BICD1: variants seen among roughly 807,000 people sequenced by gnomAD.
BICD1 encodes the protein protein bicaudal D homolog 1.
A neutral mutation model predicts 92.5 loss-of-function variants in BICD1; 35 were observed. The ratio of observed to expected loss-of-function variants is 0.38; its 90% CI spans 0.29 to 0.50. The LOEUF (loss-of-function observed/expected upper bound fraction) is 0.50. Among genes scored for constraint, BICD1 ranks in the 20% least tolerant of loss-of-function variants. The pLI is 0.93. For synonymous variants in BICD1, 429 were observed against 465.1 expected, an observed-to-expected ratio of 0.92 and a Z score of 1.00; for missense variants, 950 against 1,189.8, an observed-to-expected ratio of 0.80 and a Z score of 2.97.
intron 2 of BICD1, among the ~76,000 whole-genome samples, chr12:32,259,486 G>T (rs893863153): frequency 5.3e-5 from 8 of 152,210 alleles, no homozygotes; most frequent in African/African-American, 1.9e-4. Context: ...TTAAGGCAAG[G>T]TTTAACTCTT....
chr12:32,180,356 A>G (rs1463207876), intron 1 of BICD1, among the ~76,000 whole-genome samples: 2 of 151,790 alleles, frequency 1.3e-5, no homozygotes, highest in Non-Finnish European at 2.9e-5. Context: ...GCTGCACTTA[A>G]ACTTCCATCA....
At chr12:32,128,900 G>A (rs1185979169) in intron 1 of BICD1, among the ~76,000 whole-genome samples, 1 of 151,966 alleles carries the variant, frequency 6.6e-6, no homozygotes, top group Non-Finnish European at 1.5e-5. Flanking sequence ...AGCCATACAA[G>A]TAGCCGGGAC....
intron 1 of BICD1, among the ~76,000 whole-genome samples, chr12:32,165,403 C>G (rs933685784): frequency 2.0e-5 from 3 of 152,084 alleles, no homozygotes; most frequent in African/African-American, 7.2e-5. Flanking sequence ...GTAGTCCCAG[C>G]TACTCGGGAT....
chr12:32,360,889 C>T (rs1939299543), intron 8 of BICD1, among the ~76,000 whole-genome samples: 1 of 152,122 alleles, frequency 6.6e-6, no homozygotes, highest in South Asian at 2.1e-4. Context: ...CCAAAATATT[C>T]ATCAGATAGG....
intron 4 of BICD1, among the ~76,000 whole-genome samples, chr12:32,318,415 A>T (rs1948562236): frequency 6.6e-6 from 1 of 152,068 alleles, no homozygotes; most frequent in African/African-American, 2.4e-5. Context: ...TTCTCCTTGA[A>T]GAGGTCCTTC....
In BICD1 at chr12:32,305,845, A is replaced by C; in HGVS notation, c.728A>C (p.Glu243Ala). The change falls in exon 4 of 10, where the codon GAG becomes GCG. Residue 243 changes from glutamate (E) to alanine (A), a missense_variant. Around this residue, in one of 5 missense-constraint regions of BICD1, gnomAD observed 246 missense variants for 258.4 expected, o/e 0.95. Transcript: ENST00000652176. ...CTCGAGACTTTAAAAAATGAAAGAG[A>C]GCAAAAGAACAACCTGCGGAAGGAG... ...EALETLKNER[E>A]QKNNLRKELS... The C allele has an allele frequency of 6.2e-7, 1 of 1,614,202 alleles. No homozygotes were observed. Among genetic ancestry groups the C allele is most frequent in the Non-Finnish European group, 8.5e-7 (1 of 1,180,044 alleles).
intron 8 of BICD1, among the ~76,000 whole-genome samples, chr12:32,362,796 G>A (rs377616502): frequency 6.6e-6 from 1 of 151,808 alleles, no homozygotes; most frequent in African/African-American, 2.4e-5. Context: ...ATCAGTGGAG[G>A]CTTGTAGGAC....
chr12:32,168,007 C>CGTGTGTGTGTGTGT (rs10568100), intron 1 of BICD1, among the ~76,000 whole-genome samples: 151 of 149,900 alleles, frequency 1.0e-3, no homozygotes, highest in South Asian at 7.4e-3. Flanking sequence ...AAGGAGATGG[C>CGTGTGTGTGTGTGT]GTGTGTGTGT....
intron 2 of BICD1, among the ~76,000 whole-genome samples, chr12:32,238,647 A>G (rs1394940799): frequency 6.6e-6 from 1 of 152,202 alleles, no homozygotes; most frequent in East Asian, 1.9e-4. Context: ...TAATTTTCTT[A>G]TTTTAAGAAA....
chr12:32,107,044 G>T lies in BICD1; in HGVS notation c.-288G>T, dbSNP rs769386177. 2 of 398,428 alleles carry T rather than the reference G, an allele frequency of 5.0e-6. No homozygotes were observed. The highest frequency in any genetic ancestry group is 9.2e-6 in the Non-Finnish European group (2 of 218,094). 24.7% of individuals were successfully genotyped at this position (398,428 alleles called of 1,614,324 possible). A position where few individuals can be genotyped will look rare whatever the true frequency, so the allele number is the denominator to read the frequency against. ...GCCGCAGCCCGGGCCATGCCGCACG[G>T]CTGCTGACCGCACGCAGGGGCCGGC... On this transcript the variant is annotated 5_prime_UTR_variant, in exon 1 of 10. Coordinates refer to ENST00000652176, the MANE Select transcript of BICD1 (RefSeq NM_001714.4).
At position 32,148,645 on chromosome 12, in the gene BICD1, T is replaced by C. The variant is rs114996861; in HGVS notation, c.213+41101T>C. On this transcript the variant is annotated intron_variant, in intron 1 of 9. Coordinates refer to ENST00000652176, the MANE Select transcript of BICD1 (RefSeq NM_001714.4). ...TTGGCAGACAGGCAGGTAGGAACTT[T>C]CCTGGTGAACCCTCCCTGTATGACC... Among the ~76,000 whole-genome samples, 685 of 152,300 alleles carry C rather than the reference T, an allele frequency of 4.5e-3. 4 individuals carry two copies. Among genetic ancestry groups the C allele is most frequent in the African/African-American group, 0.016 (649 of 41,562 alleles).
intron 8 of BICD1, among the ~76,000 whole-genome samples, chr12:32,354,694 T>A (rs767244244): frequency 6.6e-6 from 1 of 152,218 alleles, no homozygotes; most frequent in Non-Finnish European, 1.5e-5. Flanking sequence ...GCCAACTCTA[T>A]GTGTTTGATT....
intron 2 of BICD1, among the ~76,000 whole-genome samples, chr12:32,257,184 G>GC (rs1946741510): frequency 8.0e-6 from 1 of 125,034 alleles, no homozygotes. Flanking sequence ...CTGCACTCCA[G>GC]CCTGGTGACA....
intron 1 of BICD1, among the ~76,000 whole-genome samples, chr12:32,137,904 T>A (rs1448850341): frequency 6.6e-6 from 1 of 151,970 alleles, no homozygotes; most frequent in Non-Finnish European, 1.5e-5. Context: ...TTCAAGCGAT[T>A]CTCCTGCCTC....
At chr12:32,146,893 T>C (rs1462373924) in intron 1 of BICD1, among the ~76,000 whole-genome samples, 1 of 140,538 alleles carries the variant, frequency 7.1e-6, no homozygotes, top group Non-Finnish European at 1.5e-5. Context: ...CCTCCTCCTC[T>C]TCTTCTTCTT....
At position 32,117,731 on chromosome 12, in the gene BICD1, CACACATAT is replaced by C. The variant is rs1432671672; in HGVS notation, c.213+10189_213+10196del. ...ATATATACACACACACACACACACA[CACACATAT>C]ATATATATATATATATATATTTTTT... is the stretch of plus-strand genomic sequence containing the variant. On this transcript the variant is annotated intron_variant, in intron 1 of 9. Coordinates refer to ENST00000652176, the MANE Select transcript of BICD1 (RefSeq NM_001714.4). Among the ~76,000 whole-genome samples, 984 of 122,476 alleles carry C rather than the reference CACACATAT, an allele frequency of 8.0e-3. 8 individuals carry two copies. Among genetic ancestry groups the C allele is most frequent in the South Asian group, 0.041 (147 of 3,628 alleles). The allele number at this position is 122,476 out of a possible 152,430, so 80.3% of individuals were successfully genotyped here. A position where few individuals can be genotyped will look rare whatever the true frequency, so the allele number is the denominator to read the frequency against.
chr12:32,128,512 G>A (rs920914860), intron 1 of BICD1, among the ~76,000 whole-genome samples: 11 of 151,982 alleles, frequency 7.2e-5, no homozygotes, highest in African/African-American at 2.7e-4. Context: ...AATGGAAAAG[G>A]CTGAGATGAA....
intron 1 of BICD1, among the ~76,000 whole-genome samples, chr12:32,129,367 TA>T: frequency 6.7e-6 from 1 of 150,218 alleles, no homozygotes. Flanking sequence ...CTACTAAAAA[TA>T]AAAAAAATTA....
intron 1 of BICD1, among the ~76,000 whole-genome samples, chr12:32,134,363 C>T (rs1160178378): frequency 1.3e-5 from 2 of 152,176 alleles, no homozygotes; most frequent in African/African-American, 4.8e-5. Context: ...TTTGTATGAA[C>T]AGAAACACTG....
Sources: allele counts gnomAD v4.1 joint callset (sites outside exome capture counted in the v4.1 genomes callset), GRCh38; gene constraint gnomAD v4.1.1; regional missense constraint gnomAD v4.1.1; transcripts MANE v1.5; gene names NCBI Gene and HGNC (gene_info 2026-07-23, HGNC 2026-07-21).